The following ASPM variants were observed in gnomAD, a reference collection of about 807,000 sequenced individuals.
ASPM encodes the protein abnormal spindle-like microcephaly-associated protein.
In ASPM, 256 loss-of-function variants were observed where a neutral mutation model predicts 366.4. That is an observed-to-expected ratio of 0.70 (90% confidence interval 0.63 to 0.77). The LOEUF is 0.77. Ranked by LOEUF, ASPM falls within the 30% of genes least tolerant of loss-of-function variation. The pLI is 0.00. For synonymous variants in ASPM, 1,414 were observed against 1,342.9 expected, an observed-to-expected ratio of 1.05 and a Z score of -1.16; for missense variants, 4,146 against 4,090.4, an observed-to-expected ratio of 1.01 and a Z score of -0.37.
intron 19 of ASPM, among the ~76,000 whole-genome samples, 187 bp from the exon 20 acceptor site, chr1:197,094,367 AAAG>A (rs1656896203): frequency 6.6e-6 from 1 of 151,960 alleles, no homozygotes; most frequent in African/African-American, 2.4e-5. Flanking sequence ...CACGCACACG[AAAG>A]AAGTTTTACA....
rs116930527 is a variant in ASPM at position 197,123,148 on chromosome 1, C to T, written c.3391-553G>A. ...ACGCATATATTTTCTGTATACGGCA[C>T]ATCACAGTCTTCTCCTAAGAACACT... On this transcript the variant is annotated intron_variant, in intron 13 of 27. Coordinates refer to ENST00000367409, the MANE Select transcript of ASPM (RefSeq NM_018136.5). Among the ~76,000 whole-genome samples, 36 of 152,264 alleles carry T rather than the reference C, an allele frequency of 2.4e-4. No individual in the cohort carries two copies. The East Asian group carries it at 6.7e-3, about 29-fold the overall frequency.
rs1440826951 is a variant in ASPM, at chr1:197,103,539, A to C, written c.5712T>G (p.Ile1904Met). 8.1e-6 allele frequency: 13 copies of C among 1,613,190 alleles called. No homozygotes were observed. The highest frequency in any genetic ancestry group is 1.0e-5 in the Non-Finnish European group (12 of 1,179,536). ...CCTTGGCCATTCTAAAAGCAGACTGAATCTTCAAGGCAGCTTGATGTTCCC... is the reference window on the plus strand; with the variant it reads ...CCTTGGCCATTCTAAAAGCAGACTGCATCTTCAAGGCAGCTTGATGTTCCC... ...IRREHQAALK[I>M]QSAFRMAKAQ... The change falls in exon 18 of 28, where the codon ATT becomes ATG. Residue 1904 changes from isoleucine to methionine, a missense_variant. Around this residue, in one of 3 missense-constraint regions of ASPM, gnomAD observed 3,624 missense variants for 3,591.7 expected, o/e 1.01. Coordinates refer to ENST00000367409, the MANE Select transcript of ASPM (RefSeq NM_018136.5).
At chr1:197,110,906 G>C (rs10922166) in intron 17 of ASPM, among the ~76,000 whole-genome samples, 119,251 of 152,036 alleles carry the variant, frequency 0.78, 50,004 homozygotes, top group East Asian at 1. Context: ...AAAATTGGAC[G>C]CTTTCCTTTC....
chr1:197,089,743 G>A (rs573760684), intron 25 of ASPM, among the ~76,000 whole-genome samples, 187 bp downstream of exon 25: 6 of 151,794 alleles, frequency 4.0e-5, no homozygotes, highest in African/African-American at 1.2e-4. Flanking sequence ...AAAGACTGAG[G>A]AAATAATATA....
At position 197,090,185 on chromosome 1, in the gene ASPM, CACAA is replaced by C; in HGVS notation, c.9829+7_9829+10del. ...TTACATCATTCTTTAAACATGTTAACACAAACTAACCTAGGTGTTTTAAGGCCTC... is the reference window on the plus strand; with the variant it reads ...TTACATCATTCTTTAAACATGTTAACACTAACCTAGGTGTTTTAAGGCCTC... On this transcript the variant is annotated splice_region_variant and intron_variant, in intron 24 of 27. Transcript: ENST00000367409. 1 of 1,612,868 alleles carries C rather than the reference CACAA, an allele frequency of 6.2e-7. No homozygotes were observed. The highest frequency in any genetic ancestry group is 1.1e-5 in the South Asian group (1 of 91,054).
intron 5 of ASPM, among the ~76,000 whole-genome samples, chr1:197,134,469 GTGTC>G (rs573895157): frequency 2.0e-5 from 3 of 152,018 alleles, no homozygotes; most frequent in Non-Finnish European, 4.4e-5. Flanking sequence ...AAATAAATCA[GTGTC>G]TGTCTGAACA....
Position 197,122,440 on chromosome 1 carries a change from T to C in ASPM, c.3546A>G (p.Ser1182=). ...TQTGSVVLNS[S]SESDDSSLDM... ...CCAGAGAACTGTCATCAGATTCAGA[T>C]GATGAATTTAATACCACTGAACCAG... The change falls in exon 14 of 28, where the codon TCA becomes TCG. Residue 1182 remains serine (S), a synonymous_variant. Transcript: ENST00000367409. 2 of 1,613,898 alleles carry C rather than the reference T, an allele frequency of 1.2e-6. No individual in the cohort carries two copies. Among genetic ancestry groups the C allele is most frequent in the Non-Finnish European group, 1.7e-6 (2 of 1,179,840 alleles).
At chr1:197,112,913 G>A (rs1418217649) in intron 17 of ASPM, among the ~76,000 whole-genome samples, 2 of 152,040 alleles carry the variant, frequency 1.3e-5, no homozygotes, top group East Asian at 3.9e-4. Context: ...TAAATTAACT[G>A]AGACCTGACT....
Position 197,129,196 on chromosome 1 carries a change from G to A in ASPM, c.2751C>T (p.Ala917=), listed in dbSNP as rs33987824. 28,277 of 1,611,552 alleles carry A rather than the reference G, an allele frequency of 0.018. 318 individuals are homozygous for A. The highest frequency in any genetic ancestry group is 0.02 in the Non-Finnish European group (23,351 of 1,178,278). ...ACAATGAAAAGCATACCTTGAATTC[G>A]GCATCTTTACAGAAGAGACAAGGAT... is the stretch of plus-strand genomic sequence containing the variant. ...DHDPCLFCKD[A]EFKASKEILL... The change falls in exon 9 of 28, where the codon GCC becomes GCT. Residue 917 remains alanine, a synonymous_variant. Coordinates refer to ENST00000367409, the MANE Select transcript of ASPM (RefSeq NM_018136.5).
chr1:197,121,836 A>T, intron 16 of ASPM, 79 bp downstream of exon 16: 1 of 1,486,372 alleles, frequency 6.7e-7, no homozygotes, highest in Non-Finnish European at 9.3e-7. Flanking sequence ...CATAAAATGT[A>T]AAATCATATC....
At chr1:197,145,525 A>G (rs572649939) in intron 1 of ASPM, among the ~76,000 whole-genome samples, 63 of 152,132 alleles carry the variant, frequency 4.1e-4, no homozygotes, top group African/African-American at 1.5e-3. Flanking sequence ...TCACTATTTC[A>G]CCGGAAAAAA....
rs139293713 is a variant in ASPM, at chr1:197,120,529, C to T, written c.3870+1386G>A. Among the ~76,000 whole-genome samples the T allele has an allele frequency of 7.5e-4, 114 of 151,404 alleles. 1 individual carries two copies. The East Asian group carries it at 0.02, about 27-fold the overall frequency. On this transcript the variant is annotated intron_variant, in intron 16 of 27. Coordinates refer to ENST00000367409, the MANE Select transcript of ASPM (RefSeq NM_018136.5). The stretch of plus-strand genomic sequence containing the variant: ...TGGGTGACAGAGTGAGACCTTGTCT[C>T]CAAAAGAAAAAAAAAATCTGATTAA...
In ASPM at chr1:197,104,857, T is replaced by C. The variant is rs2125096686; in HGVS notation, c.4394A>G (p.Glu1465Gly). 1.4e-5 allele frequency: 23 copies of C among 1,600,344 alleles called. No homozygotes were observed. The highest frequency in any genetic ancestry group is 2.0e-5 in the Non-Finnish European group (23 of 1,174,444). Reference sequence around the variant, plus strand: ...TGATTGTATGATAATAGCAGAATTTTCTTCTTTAGCTTGTTTTCTTAAATG... The same window carrying C: ...TGATTGTATGATAATAGCAGAATTTCCTTCTTTAGCTTGTTTTCTTAAATG... The part of the protein sequence containing the change: ...EWHLRKQAKE[E>G]NSAIIIQSWY... Residue 1465 changes from glutamate (E) to glycine (G), a missense_variant, in exon 18 of 28, where the codon GAA becomes GGA. Around this residue, in one of 3 missense-constraint regions of ASPM, gnomAD observed 3,624 missense variants for 3,591.7 expected, o/e 1.01. Transcript: ENST00000367409.
In ASPM at chr1:197,122,305, T is replaced by C. The variant is rs149303254; in HGVS notation, c.3599-4A>G. ...TTGTATAGCTCTGAAGTATTTTCTA[T>C]TATGCAGGAGGAAAGGAGAAATTAG... On this transcript the variant is annotated splice_polypyrimidine_tract_variant and splice_region_variant and intron_variant, in intron 14 of 27. Coordinates refer to ENST00000367409, the MANE Select transcript of ASPM (RefSeq NM_018136.5). 5.2e-4 allele frequency: 838 copies of C among 1,613,766 alleles called. 3 individuals carry two copies. The African/African-American group carries it at 0.01, about 20-fold the overall frequency.
rs1241825346 is a variant in ASPM at position 197,103,482 on chromosome 1, T to C, written c.5769A>G (p.Ala1923=). Residue 1923 remains alanine (A), a synonymous_variant, in exon 18 of 28, where the codon GCA becomes GCG. Transcript: ENST00000367409. The part of the protein sequence containing the change: ...AQKQFRLFKT[A]ALVIQQNFRA... Reference sequence around the variant, plus strand: ...TGAAATTTTGCTGGATGACTAATGCTGCTGTTTTAAACAATCTAAACTGTT... The same window carrying C: ...TGAAATTTTGCTGGATGACTAATGCCGCTGTTTTAAACAATCTAAACTGTT... 8 of 1,613,318 alleles carry C rather than the reference T, an allele frequency of 5.0e-6. No individual in the cohort carries two copies. In the South Asian group the frequency reaches 8.8e-5, roughly 18 times the overall value.
In ASPM at chr1:197,143,135, T is replaced by G. The variant is rs1658652073; in HGVS notation, c.1117A>C (p.Lys373Gln). ...TCCTGATTTAGTCCATAATTATCTT[T>G]TATGAAAGAATCTGGACTTAAAATT... is the stretch of plus-strand genomic sequence containing the variant. Reference protein sequence around the residue: ...QKILSPDSFIKDNYGLNQDLE... With the variant: ...QKILSPDSFIQDNYGLNQDLE... Residue 373 changes from lysine (K) to glutamine (Q), a missense_variant, in exon 3 of 28, where the codon AAA (lysine) becomes CAA (glutamine). Physicochemically the swap from Lys to Gln is moderately conservative, Grantham distance 53. Coordinates refer to ENST00000367409, the MANE Select transcript of ASPM (RefSeq NM_018136.5). 6.2e-7 allele frequency: 1 copy of G among 1,613,016 alleles called. No homozygotes were observed.
intron 3 of ASPM, among the ~76,000 whole-genome samples, chr1:197,140,850 T>G (rs1205807366): frequency 1.3e-5 from 2 of 152,172 alleles, no homozygotes; most frequent in Non-Finnish European, 2.9e-5. Flanking sequence ...GAGAGTTATT[T>G]TAATAGTGGA....
chr1:197,126,041 T>C (rs767401803), intron 10 of ASPM, among the ~76,000 whole-genome samples: 3 of 152,134 alleles, frequency 2.0e-5, no homozygotes, highest in Non-Finnish European at 2.9e-5. Flanking sequence ...AAACAGAAAT[T>C]TGGTTATACA....
At chr1:197,121,774 C>A (rs1571614247) in intron 16 of ASPM, 141 bp downstream of exon 16, 4 of 1,079,260 alleles carry the variant, frequency 3.7e-6, no homozygotes, top group South Asian at 1.4e-5. Flanking sequence ...ACCTCCCCAA[C>A]CCAAAATACA....
Sources: allele counts gnomAD v4.1 joint callset (sites outside exome capture counted in the v4.1 genomes callset), GRCh38; gene constraint gnomAD v4.1.1; regional missense constraint gnomAD v4.1.1; transcripts MANE v1.5; gene names NCBI Gene and HGNC (gene_info 2026-07-23, HGNC 2026-07-21).